Variants in PRKN observed in about 807,000 individuals in gnomAD.
PRKN encodes E3 ubiquitin-protein ligase parkin.
A neutral mutation model predicts 59.5 loss-of-function variants in PRKN; 56 were observed. The ratio of observed to expected loss-of-function variants is 0.94; its 90% CI spans 0.76 to 1.18. The LOEUF is 1.18. Ranked by LOEUF, PRKN falls within the 50% of genes most tolerant of loss-of-function variation. The pLI is 0.00. For synonymous variants in PRKN, 250 were observed against 222.1 expected (o/e 1.13, Z -1.12); for missense variants, 657 against 596.4 (o/e 1.10, Z -1.06).
chr6:162,121,406 G>A (rs1780910250), intron 4 of PRKN, among the ~76,000 whole-genome samples: 2 of 152,154 alleles, frequency 1.3e-5, no homozygotes, highest in Admixed American at 1.3e-4. Context: ...TCTGGAAATT[G>A]CAATGTGCTT....
At chr6:162,083,201 C>A (rs1324383210) in intron 4 of PRKN, among the ~76,000 whole-genome samples, 1 of 151,854 alleles carries the variant, frequency 6.6e-6, no homozygotes, top group African/African-American at 2.4e-5. Context: ...GTGATCCACC[C>A]GCCATATACT....
chr6:161,591,276 G>A (rs540277777), intron 7 of PRKN, among the ~76,000 whole-genome samples: 4 of 152,128 alleles, frequency 2.6e-5, no homozygotes, highest in Admixed American at 1.3e-4. Flanking sequence ...CTAAAATTAC[G>A]TCAAAATTAG....
At chr6:161,695,211 A>G (rs907952921) in intron 7 of PRKN, among the ~76,000 whole-genome samples, 2 of 152,164 alleles carry the variant, frequency 1.3e-5, no homozygotes, top group South Asian at 2.1e-4. Context: ...ACTGCCCCCA[A>G]CTGGCTACAA....
chr6:162,309,028 G>GA (rs1221882258), intron 2 of PRKN, among the ~76,000 whole-genome samples: 8 of 152,212 alleles, frequency 5.3e-5, no homozygotes, highest in African/African-American at 1.9e-4. Context: ...GAAAGATCAA[G>GA]CACTACATTA....
intron 5 of PRKN, among the ~76,000 whole-genome samples, chr6:161,980,536 C>T (rs1344756337): frequency 6.6e-6 from 1 of 152,168 alleles, no homozygotes; most frequent in East Asian, 1.9e-4. Flanking sequence ...AAGGAAGCCA[C>T]TTGAGATTAG....
At chr6:162,636,115 T>G (rs761225238) in intron 1 of PRKN, among the ~76,000 whole-genome samples, 4 of 152,152 alleles carry the variant, frequency 2.6e-5, no homozygotes, top group Non-Finnish European at 4.4e-5. Flanking sequence ...TTGCCAAATA[T>G]CAGCAACAGC....
intron 7 of PRKN, among the ~76,000 whole-genome samples, chr6:161,571,077 G>A (rs950438377): frequency 1.3e-5 from 2 of 152,048 alleles, no homozygotes; most frequent in Non-Finnish European, 2.9e-5. Context: ...GACTACAGGT[G>A]TGTGCACCAC....
intron 1 of PRKN, among the ~76,000 whole-genome samples, chr6:162,683,637 G>C (rs957875321): frequency 2.0e-5 from 3 of 151,982 alleles, no homozygotes; most frequent in African/African-American, 7.2e-5. Context: ...CACGTCTGTT[G>C]GAAGTTTATG....
At chr6:161,564,144 C>A (rs190220336) in intron 8 of PRKN, among the ~76,000 whole-genome samples, 1 of 152,152 alleles carries the variant, frequency 6.6e-6, no homozygotes, top group African/African-American at 2.4e-5. Flanking sequence ...TTCACCAGCT[C>A]CTGGAGCAGT....
chr6:161,469,769 C>A (rs1790687792), intron 9 of PRKN, among the ~76,000 whole-genome samples: 1 of 152,132 alleles, frequency 6.6e-6, no homozygotes, highest in Admixed American at 6.5e-5. Context: ...GACTTCCGAC[C>A]TACAGAGCTG....
At chr6:161,875,137 A>AAT (rs1011533355) in intron 6 of PRKN, among the ~76,000 whole-genome samples, 7 of 134,430 alleles carry the variant, frequency 5.2e-5, no homozygotes, top group African/African-American at 2.1e-4. Flanking sequence ...TATTATATAT[A>AAT]ATATATATAA....
At chr6:162,636,645 A>G (rs1777723934) in intron 1 of PRKN, among the ~76,000 whole-genome samples, 1 of 152,238 alleles carries the variant, frequency 6.6e-6, no homozygotes, top group African/African-American at 2.4e-5. Flanking sequence ...GTGACACAAA[A>G]TGCAGACATT....
chr6:162,531,057 C>CAAAAAAA (rs1171548218), intron 1 of PRKN, among the ~76,000 whole-genome samples: 1 of 79,886 alleles, frequency 1.3e-5, no homozygotes, highest in African/African-American at 5.3e-5. Context: ...ACTCCATCTC[C>CAAAAAAA]AAAAAAAAAA....
At chr6:161,655,522 A>G (rs1056545325) in intron 7 of PRKN, among the ~76,000 whole-genome samples, 8 of 152,256 alleles carry the variant, frequency 5.3e-5, no homozygotes, top group Admixed American at 3.3e-4. Context: ...CCGTCAGCAC[A>G]TGGAAGAAGA....
chr6:161,974,139 T>C (rs1267491472), intron 5 of PRKN, among the ~76,000 whole-genome samples: 2 of 152,086 alleles, frequency 1.3e-5, no homozygotes, highest in African/African-American at 4.8e-5. Flanking sequence ...TGACGGCACA[T>C]GACTGTAATC....
At chr6:161,717,741 C>T (rs565523141) in intron 7 of PRKN, among the ~76,000 whole-genome samples, 1 of 152,352 alleles carries the variant, frequency 6.6e-6, no homozygotes, top group East Asian at 1.9e-4. Flanking sequence ...GACACAGAAA[C>T]TCTTTACACA....
At chr6:162,247,934 C>A (rs1336319397) in intron 3 of PRKN, among the ~76,000 whole-genome samples, 1 of 152,138 alleles carries the variant, frequency 6.6e-6, no homozygotes, top group Non-Finnish European at 1.5e-5. Context: ...TCTACTCTGA[C>A]AACTACTTTA....
chr6:161,503,653 G>A lies in PRKN; in HGVS notation c.1083+45201C>T, dbSNP rs1426062808. 6.6e-6 allele frequency among the ~76,000 whole-genome samples: 1 copy of A among 152,206 alleles called. No homozygotes were observed. Among genetic ancestry groups the A allele is most frequent in the African/African-American group, 2.4e-5 (1 of 41,446 alleles). On this transcript the variant is annotated intron_variant, in intron 9 of 11. Transcript: ENST00000366898. This position sits in a 1 kb window ranked among gnomAD's most constrained non-coding sequence, Gnocchi z 5.1. ...CTAAGGCAGTTGCTCTGCCCCCAGA[G>A]CCCTGCTTCGAGAGCCTCTATGCTT...
intron 7 of PRKN, among the ~76,000 whole-genome samples, chr6:161,707,907 G>T (rs77966055): frequency 0.014 from 2,068 of 152,178 alleles, 54 homozygotes; most frequent in African/African-American, 0.048. Context: ...AACATTTATA[G>T]ATTAGAAATT....
Sources: allele counts gnomAD v4.1 joint callset (sites outside exome capture counted in the v4.1 genomes callset), GRCh38; gene constraint gnomAD v4.1.1; non-coding constraint Gnocchi (gnomAD v3.1); transcripts MANE v1.5; gene names NCBI Gene and HGNC (gene_info 2026-07-23, HGNC 2026-07-21).